Variants in TMEM217 observed in about 807,000 individuals in gnomAD.
TMEM217 encodes the protein transmembrane protein 217.
For missense variants in TMEM217, 204 were observed against 248.8 expected (o/e 0.82, Z 1.21); for synonymous variants, 76 against 88.3 (o/e 0.86, Z 0.78).
chr6:37,227,213 G>A (rs1299054396), intron 1 of TMEM217, among the ~76,000 whole-genome samples: 2 of 152,154 alleles, frequency 1.3e-5, no homozygotes, highest in African/African-American at 2.4e-5. Context: ...GGAAGGCCTC[G>A]ACTAGAGTAA....
At chr6:37,252,498 G>A (rs1383651530) in intron 1 of TMEM217, among the ~76,000 whole-genome samples, 3 of 149,830 alleles carry the variant, frequency 2.0e-5, no homozygotes, top group African/African-American at 5.0e-5. Context: ...ATACATGTAT[G>A]CATATATATA....
chr6:37,251,620 T>C (rs1765404578), intron 1 of TMEM217, among the ~76,000 whole-genome samples: 1 of 152,222 alleles, frequency 6.6e-6, no homozygotes. Flanking sequence ...AAACATGTTG[T>C]TTATGGATAC....
At chr6:37,216,071 TTTTATTTA>T, downstream of TMEM217, among the ~76,000 whole-genome samples, 1 of 151,886 alleles carries the variant, frequency 6.6e-6, no homozygotes, top group East Asian at 1.9e-4. Flanking sequence ...CAGATTTGAA[TTTTATTTA>T]TTTATTTATT....
chr6:37,243,408 C>T (rs921736043), intron 1 of TMEM217, among the ~76,000 whole-genome samples: 3 of 152,212 alleles, frequency 2.0e-5, no homozygotes, highest in African/African-American at 7.2e-5. Context: ...AGGTCATGTT[C>T]TCCCTGTCCT....
chr6:37,227,393 T>C (rs191486559), intron 1 of TMEM217, among the ~76,000 whole-genome samples: 24 of 152,348 alleles, frequency 1.6e-4, no homozygotes, highest in Admixed American at 1.3e-3. Flanking sequence ...TTCCCATCTA[T>C]GCGGCAAAAC....
chr6:37,244,867 G>T (rs1764970791), intron 1 of TMEM217, among the ~76,000 whole-genome samples: 1 of 152,186 alleles, frequency 6.6e-6, no homozygotes, highest in Admixed American at 6.5e-5. Context: ...TTTTGGCTCA[G>T]CTAATTCATA....
intron 1 of TMEM217, among the ~76,000 whole-genome samples, chr6:37,232,481 GTTCACGCCA>G (rs1764256131): frequency 1.3e-5 from 2 of 152,156 alleles, no homozygotes; most frequent in Admixed American, 1.3e-4. Context: ...TGCCTCCGGG[GTTCACGCCA>G]TTCTCCTGCC....
Position 37,229,329 on chromosome 6 carries a change from C to A in TMEM217, c.-11-10288G>T, listed in dbSNP as rs540332046. Among the ~76,000 whole-genome samples the A allele has an allele frequency of 1.7e-4, 19 of 110,110 alleles. No individual in the cohort carries two copies. The East Asian group carries it at 4.6e-3, about 26-fold the overall frequency. 72.2% of individuals were successfully genotyped at this position (110,110 alleles called of 152,430 possible). A position where few individuals can be genotyped will look rare whatever the true frequency, so the allele number is the denominator to read the frequency against. ...AAAATCTGACTCGTCTCCCTAGCAA[C>A]TTTCAGTTTTTTTTTTTTTTTTTTT... is the stretch of plus-strand genomic sequence containing the variant. On this transcript the variant is annotated intron_variant, in intron 1 of 1. Transcript: ENST00000357219.
intron 1 of TMEM217, among the ~76,000 whole-genome samples, chr6:37,257,031 C>T (rs143053042): frequency 6.6e-6 from 1 of 152,310 alleles, no homozygotes; most frequent in East Asian, 1.9e-4. Context: ...GGAGGAGATA[C>T]ATCCTTAACT....
chr6:37,222,880 T>C (rs1387958225), intron 1 of TMEM217, among the ~76,000 whole-genome samples: 1 of 152,214 alleles, frequency 6.6e-6, no homozygotes, highest in Non-Finnish European at 1.5e-5. Flanking sequence ...CTGCTGCAGC[T>C]GGAGTGACAG....
intron 1 of TMEM217, among the ~76,000 whole-genome samples, chr6:37,253,258 C>T (rs1475762330): frequency 6.6e-6 from 1 of 152,166 alleles, no homozygotes; most frequent in Non-Finnish European, 1.5e-5. Flanking sequence ...TTTAAATCTT[C>T]ATATTCTTTT....
intron 1 of TMEM217, among the ~76,000 whole-genome samples, chr6:37,225,029 C>A (rs1763746758): frequency 6.7e-6 from 1 of 150,170 alleles, no homozygotes; most frequent in Non-Finnish European, 1.5e-5. Flanking sequence ...AAAAAAAACA[C>A]CACCACCAAA....
At chr6:37,233,066 G>T (rs145629435) in intron 1 of TMEM217, among the ~76,000 whole-genome samples, 162 of 152,236 alleles carry the variant, frequency 1.1e-3, no homozygotes, top group Non-Finnish European at 1.7e-3. Flanking sequence ...CTTCAGTTTG[G>T]AGCTTTAGTT....
chr6:37,212,506 C>T, exon 4 of TMEM217: 1 of 457,044 alleles, frequency 2.2e-6, no homozygotes, highest in South Asian at 1.5e-5. Context: ...GCGTTTCCTG[C>T]CCACAGTCTG....
chr6:37,226,331 C>G (rs1487133630), intron 1 of TMEM217, among the ~76,000 whole-genome samples: 2 of 108,002 alleles, frequency 1.9e-5, no homozygotes, highest in African/African-American at 7.1e-5. Flanking sequence ...CTCGCTCTTT[C>G]GCCCAGGCTG....
intron 1 of TMEM217, among the ~76,000 whole-genome samples, chr6:37,229,065 G>C (rs1485717404): frequency 6.6e-6 from 1 of 151,780 alleles, no homozygotes; most frequent in Non-Finnish European, 1.5e-5. Flanking sequence ...AGCTTACTTT[G>C]TGCCAGGCAC....
At chr6:37,245,861 G>A (rs262922) in intron 1 of TMEM217, among the ~76,000 whole-genome samples, 135,324 of 151,212 alleles carry the variant, frequency 0.89, 60,588 homozygotes, top group African/African-American at 0.92. Context: ...GTGCAATGGC[G>A]CAATTTTGGC....
exon 2 of TMEM217, chr6:37,217,786 G>C (rs771589389): frequency 3.3e-4 from 328 of 985,266 alleles, no homozygotes; most frequent in Non-Finnish European, 3.7e-4. Flanking sequence ...GCTTATCCCA[G>C]GGTTAAATTA....
chr6:37,212,681 C>A, downstream of TMEM217: 2 of 603,550 alleles, frequency 3.3e-6, no homozygotes, highest in Non-Finnish European at 6.2e-6. Flanking sequence ...TTGATGAGCT[C>A]GTAAGTGATG....
Sources: gnomAD v4.1 joint callset for allele counts (sites outside exome capture counted in the v4.1 genomes callset) on GRCh38, gnomAD v4.1.1 for gene constraint, MANE v1.5 for transcripts, NCBI Gene and HGNC (gene_info 2026-07-23, HGNC 2026-07-21) for gene names.